The following CPNE5 variants were observed in gnomAD, a reference collection of about 807,000 sequenced individuals.
The protein encoded by CPNE5 is copine-5.
A neutral mutation model predicts 81.1 loss-of-function variants in CPNE5; 42 were observed. The observed-to-expected ratio is 0.52, with a 90% CI of 0.40 to 0.67. The LOEUF (loss-of-function observed/expected upper bound fraction) is 0.67, where lower values mean the gene tolerates loss of function less well. Ranked by LOEUF, CPNE5 falls within the 30% of genes least tolerant of loss-of-function variation. The pLI is 0.00. For synonymous variants in CPNE5, 313 were observed against 321.5 expected (o/e 0.97, Z 0.28); for missense variants, 612 against 815.5 (o/e 0.75, Z 3.04).
intron 13 of CPNE5, chr6:36,755,370 A>AG (rs1466246448): frequency 6.6e-6 from 1 of 152,264 alleles, no homozygotes; most frequent in Non-Finnish European, 1.5e-5. Flanking sequence ...GCTCCACCTC[A>AG]GGGCCTTTGC....
At chr6:36,832,676 C>T (rs1452286415) in intron 1 of CPNE5, among the ~76,000 whole-genome samples, 1 of 152,218 alleles carries the variant, frequency 6.6e-6, no homozygotes, top group Non-Finnish European at 1.5e-5. Flanking sequence ...TCATTGTGAT[C>T]TGAGAAAAAT....
At chr6:36,823,973 T>A (rs1217232724) in intron 1 of CPNE5, among the ~76,000 whole-genome samples, 1 of 152,154 alleles carries the variant, frequency 6.6e-6, no homozygotes, top group Admixed American at 6.5e-5. Flanking sequence ...CCTGCTGCCA[T>A]TGGGAAGCAA....
intron 3 of CPNE5, among the ~76,000 whole-genome samples, chr6:36,811,501 G>T (rs1361354374): frequency 1.3e-5 from 2 of 152,198 alleles, no homozygotes; most frequent in Admixed American, 6.5e-5. Flanking sequence ...CACCTGGGCA[G>T]GTGGTGGGCC....
chr6:36,744,904 T>C, intron 18 of CPNE5, 144 bp downstream of exon 18: 2 of 650,988 alleles, frequency 3.1e-6, no homozygotes, highest in Non-Finnish European at 5.6e-6. Flanking sequence ...TGGGGCCCAG[T>C]GAGGCAGGGA....
Position 36,823,064 on chromosome 6 carries a change from C to A in CPNE5, c.130G>T (p.Asp44Tyr). Residue 44 changes from aspartate (D) to tyrosine (Y), a missense_variant, in exon 2 of 21, where the codon GAC (aspartate) becomes TAC (tyrosine). Coordinates refer to ENST00000244751, the MANE Select transcript of CPNE5 (RefSeq NM_020939.2). ...LLDKDMFSKS[D>Y]PLCVMYTQGM... is the part of the protein sequence containing the mutation. ...TTGTCAGAGCAGGACTTACGTGGGTCGGACTTGGAAAACATGTCTTTGTCC... is the reference window on the plus strand; with the variant it reads ...TTGTCAGAGCAGGACTTACGTGGGTAGGACTTGGAAAACATGTCTTTGTCC... 1.3e-6 allele frequency: 2 copies of A among 1,575,202 alleles called. No homozygotes were observed. Among genetic ancestry groups the A allele is most frequent in the South Asian group, 2.4e-5 (2 of 82,918 alleles).
At chr6:36,793,777 T>C (rs1427559488) in intron 7 of CPNE5, among the ~76,000 whole-genome samples, 1 of 152,172 alleles carries the variant, frequency 6.6e-6, no homozygotes, top group African/African-American at 2.4e-5. Flanking sequence ...CAGTGGCATA[T>C]CCAGCTGCTG....
At chr6:36,839,726 G>A (rs1773854187), upstream of CPNE5, 3 of 264,208 alleles carry the variant, frequency 1.1e-5, no homozygotes, top group East Asian at 7.1e-5. The surrounding 1 kb of genome is among the most constrained non-coding windows in gnomAD (Gnocchi z 7.3). Flanking sequence ...GAGTCGTGGA[G>A]AGGGGCACCA....
intron 15 of CPNE5, among the ~76,000 whole-genome samples, chr6:36,747,756 A>G (rs1254026272): frequency 2.6e-5 from 4 of 152,218 alleles, no homozygotes; most frequent in Non-Finnish European, 5.9e-5. Context: ...ACACTGGAGA[A>G]ATTGGGAGGA....
At chr6:36,761,107 A>C (rs1041891547) in intron 12 of CPNE5, among the ~76,000 whole-genome samples, 1 of 152,054 alleles carries the variant, frequency 6.6e-6, no homozygotes, top group South Asian at 2.1e-4. Flanking sequence ...CCTGTCAAGC[A>C]CCTTTAGAAG....
In CPNE5 at chr6:36,757,435, C is replaced by T. The variant is rs190414145; in HGVS notation, c.856-1137G>A. 4.0e-5 allele frequency: 37 copies of T among 920,760 alleles called. No individual in the cohort carries two copies. The East Asian group carries it at 2.8e-3, about 70-fold the overall frequency. 57.0% of individuals were successfully genotyped at this position (920,760 alleles called of 1,614,324 possible). A position where few individuals can be genotyped will look rare whatever the true frequency, so the allele number is the denominator to read the frequency against. On this transcript the variant is annotated intron_variant, in intron 12 of 20. Transcript: ENST00000244751. ...CAGCAAGAAGGAAACTAAAGCACAG[C>T]GACACCAGGTGATTTGCCTAAAGTC...
chr6:36,772,546 T>G (rs73414275), intron 10 of CPNE5, among the ~76,000 whole-genome samples: 3,766 of 152,286 alleles, frequency 0.025, 148 homozygotes, highest in African/African-American at 0.082. Flanking sequence ...CAGACCACAG[T>G]CTCCCTAAAG....
At chr6:36,803,874 G>A (rs1187892612) in intron 3 of CPNE5, among the ~76,000 whole-genome samples, 2 of 152,108 alleles carry the variant, frequency 1.3e-5, no homozygotes, top group East Asian at 1.9e-4. Flanking sequence ...TCAGTGGGTG[G>A]GGCCTGAACA....
intron 1 of CPNE5, among the ~76,000 whole-genome samples, chr6:36,829,191 G>A (rs1356008440): frequency 1.3e-5 from 2 of 152,258 alleles, no homozygotes; most frequent in Non-Finnish European, 1.5e-5. Context: ...GGAGAGCCAA[G>A]GTCAGGTAGA....
In CPNE5 at chr6:36,799,995, C is replaced by G. The variant is rs769191832; in HGVS notation, c.259G>C (p.Glu87Gln). The change falls in exon 4 of 21, where the codon GAG becomes CAG. Residue 87 changes from glutamate (E) to glutamine (Q), a missense_variant. Physicochemically the swap from Glu to Gln is conservative, Grantham distance 29. Transcript: ENST00000244751. ...TCAAAACGGAGGTTCTGCTTCTCCT[C>G]GAAAAAGTAATCCACAATGAACTTG... ...VRKFIVDYFF[E>Q]EKQNLRFDLY... 6.2e-7 allele frequency: 1 copy of G among 1,613,998 alleles called. No individual in the cohort carries two copies. The highest frequency in any genetic ancestry group is 1.7e-5 in the Admixed American group (1 of 60,018).
Position 36,746,657 on chromosome 6 carries a change from C to T in CPNE5, c.1019-80G>A. 7.8e-7 allele frequency: 1 copy of T among 1,277,012 alleles called. No homozygotes were observed. The highest frequency in any genetic ancestry group is 1.1e-6 in the Non-Finnish European group (1 of 914,078). 79.1% of individuals were successfully genotyped at this position (1,277,012 alleles called of 1,614,324 possible). A position where few individuals can be genotyped will look rare whatever the true frequency, so the allele number is the denominator to read the frequency against. On this transcript the variant is annotated intron_variant, in intron 15 of 20. Transcript: ENST00000244751. This position sits in a 1 kb window ranked among gnomAD's most constrained non-coding sequence, Gnocchi z 4.5. ...GGTTCAGAATGAAGAAGGGGGTGTC[C>T]AAGGGCACCCCTAACTTTTATTAAT...
At chr6:36,837,113 C>T (rs915457596) in intron 1 of CPNE5, among the ~76,000 whole-genome samples, 2 of 152,256 alleles carry the variant, frequency 1.3e-5, no homozygotes, top group Middle Eastern at 3.2e-3. Flanking sequence ...GTGCTACCGC[C>T]TTCCGGTGAT....
At chr6:36,792,761 G>A (rs755315636) in intron 7 of CPNE5, among the ~76,000 whole-genome samples, 44 of 152,214 alleles carry the variant, frequency 2.9e-4, no homozygotes, top group South Asian at 1.2e-3. Flanking sequence ...CAAGTTCTTC[G>A]GCTGGGGCTC....
chr6:36,743,622 G>A, intron 20 of CPNE5, 67 bp downstream of exon 20: 1 of 1,478,906 alleles, frequency 6.8e-7, no homozygotes, highest in South Asian at 1.1e-5. Flanking sequence ...CCCAAAGGGG[G>A]TGTGAGGTCC....
At position 36,741,452 on chromosome 6, in the gene CPNE5, C is replaced by T. The variant is rs1283885595; in HGVS notation, c.*816G>A. On this transcript the variant is annotated 3_prime_UTR_variant, in exon 21 of 21. Transcript: ENST00000244751. ...AGTGTGGGAACGTGGGGCTGAGCCA[C>T]TCCTTACTCAGGCCTCCAGATGGGC... 6.6e-6 allele frequency: 1 copy of T among 152,254 alleles called. No homozygotes were observed. The highest frequency in any genetic ancestry group is 1.5e-5 in the Non-Finnish European group (1 of 68,084). The allele number at this position is 152,254 out of a possible 1,614,324, so 9.4% of individuals were successfully genotyped here.
Sources: gnomAD v4.1 joint callset for allele counts (sites outside exome capture counted in the v4.1 genomes callset) on GRCh38, gnomAD v4.1.1 for gene constraint, Gnocchi (gnomAD v3.1) non-coding constraint, MANE v1.5 for transcripts, NCBI Gene and HGNC (gene_info 2026-07-23, HGNC 2026-07-21) for gene names.